CDH13: variants seen among roughly 807,000 people sequenced by gnomAD.
The protein encoded by CDH13 is cadherin-13.
Under a neutral mutation model 63.8 loss-of-function variants are expected in CDH13, and 24 were observed. That is an observed-to-expected ratio of 0.38 (90% confidence interval 0.27 to 0.53). The LOEUF (loss-of-function observed/expected upper bound fraction) is 0.53. CDH13 is among the 20% of genes least tolerant of loss of function. The pLI is 0.85. For missense variants in CDH13, 1,049 were observed against 903.1 expected (o/e 1.16, Z -2.07); for synonymous variants, 503 against 355.3 (o/e 1.42, Z -4.67).
chr16:83,064,045 C>A (rs1455097328), intron 3 of CDH13, among the ~76,000 whole-genome samples: 1 of 152,058 alleles, frequency 6.6e-6, no homozygotes, highest in African/African-American at 2.4e-5. Flanking sequence ...CATTTCAGAG[C>A]TAAAAATATA....
intron 8 of CDH13, among the ~76,000 whole-genome samples, chr16:83,669,161 T>A (rs8049978): frequency 1.8e-3 from 274 of 152,300 alleles, no homozygotes; most frequent in Non-Finnish European, 3.2e-3. Context: ...ACTTGACTGC[T>A]TGTCCCAGAA....
intron 1 of CDH13, among the ~76,000 whole-genome samples, chr16:82,666,531 G>GA (rs1912605173): frequency 6.6e-6 from 1 of 152,186 alleles, no homozygotes. Context: ...GCTATAAGGG[G>GA]AAAGCACACA....
At chr16:82,750,264 G>A (rs930499431) in intron 1 of CDH13, among the ~76,000 whole-genome samples, 4 of 152,106 alleles carry the variant, frequency 2.6e-5, no homozygotes, top group Non-Finnish European at 5.9e-5. Flanking sequence ...AAATAAACAA[G>A]CCACATCCTG....
intron 5 of CDH13, among the ~76,000 whole-genome samples, chr16:83,267,926 T>G (rs2088674582): frequency 6.6e-6 from 1 of 152,194 alleles, no homozygotes; most frequent in Non-Finnish European, 1.5e-5. Context: ...CCAAGTGAAG[T>G]GTCTCTCAGT....
intron 6 of CDH13, among the ~76,000 whole-genome samples, chr16:83,395,147 C>CAAAA (rs56374797): frequency 0.047 from 5,039 of 106,546 alleles, 188 homozygotes; most frequent in East Asian, 0.11. Flanking sequence ...GACTCCATCT[C>CAAAA]AAAAAAAAAA....
chr16:82,640,982 G>A, intron 1 of CDH13, among the ~76,000 whole-genome samples: 1 of 152,206 alleles, frequency 6.6e-6, no homozygotes, highest in Non-Finnish European at 1.5e-5. Flanking sequence ...AGGGGGTTAA[G>A]TTGGTAAATG....
At chr16:83,180,123 G>A (rs1425379967) in intron 4 of CDH13, among the ~76,000 whole-genome samples, 2 of 151,174 alleles carry the variant, frequency 1.3e-5, no homozygotes, top group African/African-American at 4.9e-5. Flanking sequence ...TGGTTTAATT[G>A]TCGTTTAAAA....
At chr16:83,709,357 C>T (rs992844163) in intron 10 of CDH13, among the ~76,000 whole-genome samples, 13 of 152,338 alleles carry the variant, frequency 8.5e-5, no homozygotes, top group African/African-American at 2.6e-4. Context: ...TAACCTTCAT[C>T]TACTTTCTCT....
chr16:83,260,671 A>G (rs1906879361), intron 5 of CDH13, among the ~76,000 whole-genome samples: 2 of 152,200 alleles, frequency 1.3e-5, no homozygotes, highest in African/African-American at 4.8e-5. Flanking sequence ...GAAGAGAAAA[A>G]TGCAAAGTTG....
intron 6 of CDH13, among the ~76,000 whole-genome samples, chr16:83,382,414 A>G (rs56193917): frequency 4.6e-5 from 7 of 152,148 alleles, no homozygotes; most frequent in South Asian, 4.1e-4. Flanking sequence ...CACGAACAGA[A>G]CAAAGAACTT....
At chr16:83,395,540 T>G (rs1252277054) in intron 6 of CDH13, among the ~76,000 whole-genome samples, 10 of 152,098 alleles carry the variant, frequency 6.6e-5, no homozygotes, top group Admixed American at 6.5e-4. Flanking sequence ...GTACAACTAT[T>G]ACTCTTCCAG....
At chr16:82,889,961 A>T (rs1167317456) in intron 2 of CDH13, among the ~76,000 whole-genome samples, 1 of 152,252 alleles carries the variant, frequency 6.6e-6, no homozygotes, top group African/African-American at 2.4e-5. Context: ...CATTTAAAAC[A>T]CAAATGCTTT....
chr16:82,849,997 T>C (rs1286069035), intron 1 of CDH13, among the ~76,000 whole-genome samples: 1 of 152,238 alleles, frequency 6.6e-6, no homozygotes, highest in East Asian at 1.9e-4. Flanking sequence ...AATGGAGGTA[T>C]ATAAGGAGAT....
At chr16:82,742,971 A>G (rs2034000277) in intron 1 of CDH13, among the ~76,000 whole-genome samples, 3 of 152,242 alleles carry the variant, frequency 2.0e-5, no homozygotes, top group African/African-American at 7.2e-5. Context: ...TACTAATTAC[A>G]TATTTAGAAA....
At chr16:82,925,325 C>T (rs1434848793) in intron 2 of CDH13, among the ~76,000 whole-genome samples, 1 of 152,186 alleles carries the variant, frequency 6.6e-6, no homozygotes, top group African/African-American at 2.4e-5. Context: ...GTTGTTACTG[C>T]AGATAATTGC....
intron 12 of CDH13, among the ~76,000 whole-genome samples, chr16:83,782,478 G>A (rs1383431502): frequency 6.6e-6 from 1 of 152,184 alleles, no homozygotes; most frequent in Non-Finnish European, 1.5e-5. Flanking sequence ...GCTCACACCT[G>A]TAATCCCAGC....
intron 7 of CDH13, among the ~76,000 whole-genome samples, chr16:83,570,894 GTA>G (rs1567773651): frequency 7.7e-6 from 1 of 129,526 alleles, no homozygotes; most frequent in Non-Finnish European, 1.6e-5. Flanking sequence ...AAATGAAACT[GTA>G]TAATTTTTAT....
rs557155117 is a variant in CDH13, at chr16:83,518,495, C to T, written c.960+31840C>T. Reference sequence around the variant, plus strand: ...TTTTGTTTTTTGTTTTTTTTTGAGACGGAGTCTGGCTCTGTCTCCCAGGCT... The same window carrying T: ...TTTTGTTTTTTGTTTTTTTTTGAGATGGAGTCTGGCTCTGTCTCCCAGGCT... On this transcript the variant is annotated intron_variant, in intron 7 of 13. Transcript: ENST00000567109. 7.1e-4 allele frequency among the ~76,000 whole-genome samples: 93 copies of T among 130,802 alleles called. 1 individual carries two copies. Among genetic ancestry groups the T allele is most frequent in the Middle Eastern group, 6.7e-3 (1 of 150 alleles). The allele number at this position is 130,802 out of a possible 152,430, so 85.8% of individuals were successfully genotyped here.
At chr16:83,400,300 A>G (rs1484987699) in intron 6 of CDH13, among the ~76,000 whole-genome samples, 1 of 152,150 alleles carries the variant, frequency 6.6e-6, no homozygotes, top group African/African-American at 2.4e-5. Context: ...CACAGGTGTT[A>G]GAGATCAAGT....
Sources: allele counts gnomAD v4.1 joint callset (sites outside exome capture counted in the v4.1 genomes callset), GRCh38; gene constraint gnomAD v4.1.1; transcripts MANE v1.5; gene names NCBI Gene and HGNC (gene_info 2026-07-23, HGNC 2026-07-21).